Variants in FGF2 observed in about 807,000 individuals in gnomAD.
FGF2 encodes the protein fibroblast growth factor 2, also known as basic fibroblast growth factor bFGF.
A neutral mutation model predicts 15.9 loss-of-function variants in FGF2; 13 were observed. That is an observed-to-expected ratio of 0.82 (90% CI 0.53 to 1.30). The LOEUF (loss-of-function observed/expected upper bound fraction) is 1.30. FGF2 is among the 50% of genes most tolerant of loss of function. The probability of loss-of-function intolerance (pLI) is 0.00; values close to 1 mark genes in which losing one functional copy is unlikely to be tolerated. For missense variants in FGF2, 163 were observed against 196.9 expected, an observed-to-expected ratio of 0.83 and a Z score of 1.03; for synonymous variants, 90 against 78.4, an observed-to-expected ratio of 1.15 and a Z score of -0.78.
chr4:122,838,914 A>G (rs576474873), intron 1 of FGF2, among the ~76,000 whole-genome samples: 2 of 152,324 alleles, frequency 1.3e-5, no homozygotes, highest in African/African-American at 2.4e-5. Context: ...GACCTCATGT[A>G]TGATGGTGGT....
chr4:122,852,575 CAATT>C (rs1726257523), intron 1 of FGF2, among the ~76,000 whole-genome samples: 1 of 152,336 alleles, frequency 6.6e-6, no homozygotes, highest in African/African-American at 2.4e-5. Context: ...ATCAGATAAA[CAATT>C]AATTCCTCGC....
intron 2 of FGF2, among the ~76,000 whole-genome samples, chr4:122,884,073 G>A (rs529452079): frequency 4.1e-4 from 63 of 152,128 alleles, no homozygotes; most frequent in Non-Finnish European, 8.1e-4. Flanking sequence ...AATTGAAGAG[G>A]AATATATATC....
intron 1 of FGF2, 113 bp from the exon 2 acceptor site, chr4:122,876,208 C>G: frequency 1.4e-6 from 1 of 738,034 alleles, no homozygotes. Context: ...CACCAATCCT[C>G]CAAAGTGGAT....
intron 1 of FGF2, among the ~76,000 whole-genome samples, chr4:122,856,897 A>G (rs28700233): frequency 0.036 from 5,446 of 152,252 alleles, 178 homozygotes; most frequent in African/African-American, 0.085. Flanking sequence ...CTCCATTTCT[A>G]TAATTTTGTG....
At chr4:122,891,653 C>T (rs899604231) in intron 2 of FGF2, among the ~76,000 whole-genome samples, 109 of 152,286 alleles carry the variant, frequency 7.2e-4, no homozygotes, top group African/African-American at 2.5e-3. Context: ...CCTTAAAAAA[C>T]ATTAGCCACT....
In FGF2 at chr4:122,893,159, C is replaced by A. The variant is rs1442589239; in HGVS notation, c.*763C>A. 3 of 1,614,152 alleles carry A rather than the reference C, an allele frequency of 1.9e-6. No individual in the cohort carries two copies. In the East Asian group the frequency reaches 6.7e-5, roughly 36 times the overall value. On this transcript the variant is annotated 3_prime_UTR_variant, in exon 3 of 3. Coordinates refer to ENST00000644866, the MANE Select transcript of FGF2 (RefSeq NM_001361665.2). The stretch of plus-strand genomic sequence containing the variant: ...AGGATTTGTGTGCTGTTGCCGAATA[C>A]TCAGGACGGACCTGAATTCTGATTT...
chr4:122,852,366 G>A (rs1167849958), intron 1 of FGF2, among the ~76,000 whole-genome samples: 3 of 152,166 alleles, frequency 2.0e-5, no homozygotes, highest in Admixed American at 6.5e-5. Flanking sequence ...CTTTTTCAGT[G>A]GCTGGATCTC....
rs111829757 is a variant in FGF2, at chr4:122,894,509, G to C, written c.*2113G>C. 3.9e-4 allele frequency: 59 copies of C among 152,290 alleles called. No individual in the cohort carries two copies. The highest frequency in any genetic ancestry group is 1.4e-3 in the African/African-American group (57 of 41,566). 9.4% of individuals were successfully genotyped at this position (152,290 alleles called of 1,614,324 possible). A position where few individuals can be genotyped will look rare whatever the true frequency, so the allele number is the denominator to read the frequency against. The stretch of plus-strand genomic sequence containing the variant: ...GAGGTGGGAGGGTTGATCACTTGAG[G>C]CTGAGAGGTCAAGGTTGCAGTGAGC... On this transcript the variant is annotated 3_prime_UTR_variant, in exon 3 of 3. Coordinates refer to ENST00000644866, the MANE Select transcript of FGF2 (RefSeq NM_001361665.2).
chr4:122,836,808 C>T (rs1044104541), intron 1 of FGF2, among the ~76,000 whole-genome samples: 3 of 152,220 alleles, frequency 2.0e-5, no homozygotes, highest in African/African-American at 7.2e-5. Flanking sequence ...ACACCTTTAA[C>T]ATTATTCAAG....
intron 1 of FGF2, among the ~76,000 whole-genome samples, chr4:122,861,234 C>T (rs950583608): frequency 1.3e-5 from 2 of 152,192 alleles, no homozygotes; most frequent in African/African-American, 4.8e-5. Context: ...CCACTGTTAG[C>T]TCTGATTATT....
At chr4:122,864,590 T>C (rs1185021355) in intron 1 of FGF2, among the ~76,000 whole-genome samples, 2 of 152,240 alleles carry the variant, frequency 1.3e-5, no homozygotes, top group Non-Finnish European at 2.9e-5. Flanking sequence ...ATATCCCTTT[T>C]GGGTGATACG....
chr4:122,835,657 A>ATC (rs1725851967), intron 1 of FGF2, among the ~76,000 whole-genome samples: 1 of 151,952 alleles, frequency 6.6e-6, no homozygotes, highest in South Asian at 2.1e-4. Flanking sequence ...TTTCGTATAT[A>ATC]TCTCTCTAAA....
Position 122,827,771 on chromosome 4 carries a change from C to G in FGF2, c.178+419C>G, listed in dbSNP as rs1439558766. 6.6e-6 allele frequency among the ~76,000 whole-genome samples: 1 copy of G among 152,204 alleles called. No individual in the cohort carries two copies. The highest frequency in any genetic ancestry group is 1.5e-5 in the Non-Finnish European group (1 of 68,030). The stretch of plus-strand genomic sequence containing the variant: ...CCGCAGCAGAACGAAACGGTCTTTA[C>G]TGGAAAAACACCTTTCTAGAGTCCT... On this transcript the variant is annotated intron_variant, in intron 1 of 2. Coordinates refer to ENST00000644866, the MANE Select transcript of FGF2 (RefSeq NM_001361665.2). The surrounding 1 kb of genome is among the most constrained non-coding windows in gnomAD (Gnocchi z 4.2).
chr4:122,858,539 A>G (rs1394642772), intron 1 of FGF2, among the ~76,000 whole-genome samples: 1 of 152,154 alleles, frequency 6.6e-6, no homozygotes, highest in East Asian at 1.9e-4. Flanking sequence ...CTGGGACTAC[A>G]GGTGCATGCC....
At chr4:122,858,703 A>T (rs1180778261) in intron 1 of FGF2, among the ~76,000 whole-genome samples, 2 of 152,064 alleles carry the variant, frequency 1.3e-5, no homozygotes, top group Non-Finnish European at 2.9e-5. Context: ...TGGCCAAATT[A>T]GTTCCTTTTG....
At chr4:122,849,538 C>T (rs891839129) in intron 1 of FGF2, among the ~76,000 whole-genome samples, 6 of 151,700 alleles carry the variant, frequency 4.0e-5, no homozygotes, top group African/African-American at 1.5e-4. Context: ...CACCATGGCA[C>T]GTGTATACCT....
chr4:122,897,566 T>C lies in FGF2; in HGVS notation c.*5170T>C. The C allele has an allele frequency of 8.3e-7, 1 of 1,209,658 alleles. No individual in the cohort carries two copies. Among genetic ancestry groups the C allele is most frequent in the Non-Finnish European group, 1.2e-6 (1 of 813,258 alleles). 74.9% of individuals were successfully genotyped at this position (1,209,658 alleles called of 1,614,324 possible). ...TATTCTTAGCTATAAAGCAAGAAAG[T>C]AAACACATTAATTTCCTCAACATTT... On this transcript the variant is annotated 3_prime_UTR_variant, in exon 3 of 3. Coordinates refer to ENST00000644866, the MANE Select transcript of FGF2 (RefSeq NM_001361665.2).
At position 122,897,684 on chromosome 4, in the gene FGF2, G is replaced by C; in HGVS notation, c.*5288G>C. ...AACTTCCACATATTTTTCAACTGCA[G>C]TATAAAGTCAGAAAATAAAGTTAAC... On this transcript the variant is annotated 3_prime_UTR_variant, in exon 3 of 3. Transcript: ENST00000644866. The C allele has an allele frequency of 6.3e-7, 1 of 1,593,506 alleles. No homozygotes were observed. The highest frequency in any genetic ancestry group is 1.1e-5 in the South Asian group (1 of 90,680).
chr4:122,863,874 G>T, intron 1 of FGF2, among the ~76,000 whole-genome samples: 1 of 152,188 alleles, frequency 6.6e-6, no homozygotes, highest in Non-Finnish European at 1.5e-5. Context: ...CAGAATTTCT[G>T]CTGGGAAGCT....
Sources: allele counts gnomAD v4.1 joint callset (sites outside exome capture counted in the v4.1 genomes callset), GRCh38; gene constraint gnomAD v4.1.1; non-coding constraint Gnocchi (gnomAD v3.1); transcripts MANE v1.5; gene names NCBI Gene and HGNC (gene_info 2026-07-23, HGNC 2026-07-21).